The following SSX4 variants were observed in gnomAD, a reference collection of about 807,000 sequenced individuals.
The protein encoded by SSX4 is protein SSX4.
For missense variants in SSX4, 7 were observed against 29.1 expected, an observed-to-expected ratio of 0.24 and a Z score of 1.75; for synonymous variants, 1 against 11.0, an observed-to-expected ratio of 0.09 and a Z score of 1.80.
intron 1 of SSX4, 136 bp from the exon 2 acceptor site, chrX:48,383,898 C>CAAAAAAA: frequency 4.4e-3 from 1 of 227 alleles, no homozygotes; most frequent in Non-Finnish European, 7.1e-3. Flanking sequence ...GACCCTGTCT[C>CAAAAAAA]AAAAAAAAAA....
intron 2 of SSX4, among the ~76,000 whole-genome samples, 178 bp downstream of exon 2, chrX:48,384,300 C>T (rs1203930576): frequency 1.5e-5 from 1 of 64,612 alleles, no homozygotes; most frequent in Non-Finnish European, 2.7e-5. Context: ...GGAGACAAGT[C>T]TCTGACCTTG....
Position 48,384,631 on chromosome X carries a change from T to C in SSX4, c.140T>C (p.Val47Ala). The change falls in exon 3 of 8, where the codon GTC (valine) becomes GCC (alanine). Residue 47 changes from valine to alanine, a missense_variant. Physicochemically the swap from Val to Ala is moderately conservative, Grantham distance 64. Coordinates refer to ENST00000595689, the MANE Select transcript of SSX4 (RefSeq NM_005636.4). ...AAGATGAAATCCTCGGAGAAAATCGTCTATGTGTATATGAAGCTAAACTAT... is the reference window on the plus strand; with the variant it reads ...AAGATGAAATCCTCGGAGAAAATCGCCTATGTGTATATGAAGCTAAACTAT... ...WEKMKSSEKI[V>A]YVYMKLNYEV... is the part of the protein sequence containing the mutation. 1 of 1,162,380 alleles carries C rather than the reference T, an allele frequency of 8.6e-7. No individual in the cohort carries two copies. The highest frequency in any genetic ancestry group is 1.1e-6 in the Non-Finnish European group (1 of 876,056).
intron 2 of SSX4, among the ~76,000 whole-genome samples, 199 bp downstream of exon 2, chrX:48,384,321 G>A (rs1333138415): frequency 1.5e-5 from 1 of 68,537 alleles, no homozygotes; most frequent in East Asian, 4.8e-4. Flanking sequence ...CACTTCATTT[G>A]GTGACTCCCA....
At chrX:48,384,819 C>T in intron 3 of SSX4, 144 bp downstream of exon 3, 1 of 276,065 alleles carries the variant, frequency 3.6e-6, no homozygotes, top group Non-Finnish European at 5.9e-6. Context: ...TGGGTGTTCT[C>T]CTCTTCTGTA....
Position 48,384,136 on chromosome X carries a change from G to T in SSX4, c.69+14G>T. ...AAGTTACGAAAGGTGAGGTGACCTGGAGGGGGCAGAGTAGTGGCCCAGGGG... is the reference window on the plus strand; with the variant it reads ...AAGTTACGAAAGGTGAGGTGACCTGTAGGGGGCAGAGTAGTGGCCCAGGGG... On this transcript the variant is annotated intron_variant, in intron 2 of 7. Coordinates refer to ENST00000595689, the MANE Select transcript of SSX4 (RefSeq NM_005636.4). 2.3e-5 allele frequency: 1 copy of T among 42,561 alleles called. No individual in the cohort carries two copies. Among genetic ancestry groups the T allele is most frequent in the African/African-American group, 4.9e-4 (1 of 2,032 alleles). 3.5% of individuals were successfully genotyped at this position (42,561 alleles called of 1,213,427 possible).
At chrX:48,384,512 A>T in intron 2 of SSX4, 49 bp from the exon 3 acceptor site, 1 of 1,183,705 alleles carries the variant, frequency 8.4e-7, no homozygotes, top group Non-Finnish European at 1.1e-6. Flanking sequence ...TGAATGGCAG[A>T]CATGCCTAGC....
chrX:48,384,793 A>G (rs1485058600), intron 3 of SSX4, 118 bp downstream of exon 3: 1 of 356,391 alleles, frequency 2.8e-6, no homozygotes, highest in Admixed American at 6.6e-5. Flanking sequence ...GCAGGGAAAA[A>G]TCACAAGGCA....
Position 48,384,618 on chromosome X carries a change from T to G in SSX4, c.127T>G (p.Ser43Ala). 1.7e-6 allele frequency: 2 copies of G among 1,167,026 alleles called. No homozygotes were observed. Among genetic ancestry groups the G allele is most frequent in the Non-Finnish European group, 1.1e-6 (1 of 877,144 alleles). The part of the protein sequence containing the change: ...SKKEWEKMKS[S>A]EKIVYVYMKL... ...GAAAGAGTGGGAAAAGATGAAATCC[T>G]CGGAGAAAATCGTCTATGTGTATAT... The change falls in exon 3 of 8, where the codon TCG becomes GCG. Residue 43 changes from serine to alanine, a missense_variant. Physicochemically the swap from Ser to Ala is moderately conservative, Grantham distance 99 (BLOSUM62 1). Transcript: ENST00000595689.
Sources: gnomAD v4.1 joint callset for allele counts (sites outside exome capture counted in the v4.1 genomes callset) on GRCh38, gnomAD v4.1.1 for gene constraint, MANE v1.5 for transcripts, NCBI Gene and HGNC (gene_info 2026-07-23, HGNC 2026-07-21) for gene names.